NKAIN2: variants seen among roughly 807,000 people sequenced by gnomAD.
NKAIN2 encodes sodium/potassium transporting ATPase interacting 2.
Under a neutral mutation model 32.6 loss-of-function variants are expected in NKAIN2, and 14 were observed. The ratio of observed to expected loss-of-function variants is 0.43; its 90% CI spans 0.28 to 0.67. The LOEUF (loss-of-function observed/expected upper bound fraction) is 0.67, where lower values mean the gene tolerates loss of function less well. Ranked by LOEUF, NKAIN2 falls within the 30% of genes least tolerant of loss-of-function variation. The pLI, the probability that NKAIN2 is intolerant of heterozygous loss-of-function variation, is 0.17. For missense variants in NKAIN2, 198 were observed against 258.3 expected (o/e 0.77, Z 1.60); for synonymous variants, 80 against 87.2 (o/e 0.92, Z 0.46).
intron 2 of NKAIN2, among the ~76,000 whole-genome samples, chr6:124,293,557 T>C (rs989697808): frequency 5.3e-5 from 8 of 152,156 alleles, no homozygotes; most frequent in Admixed American, 5.2e-4. Context: ...TCATGAATGG[T>C]AGCTATCTAA....
intron 3 of NKAIN2, among the ~76,000 whole-genome samples, chr6:124,537,323 T>C (rs1583406432): frequency 6.6e-6 from 1 of 152,334 alleles, no homozygotes; most frequent in Middle Eastern, 3.4e-3. Context: ...TTGTTCTACA[T>C]GTGATGAAAT....
chr6:123,811,399 G>A (rs1253052869), intron 1 of NKAIN2, among the ~76,000 whole-genome samples: 2 of 61,034 alleles, frequency 3.3e-5, no homozygotes. Flanking sequence ...ATTAGGGTAA[G>A]CACAGCGCTG....
At chr6:124,202,787 CT>C (rs1790658272) in intron 1 of NKAIN2, among the ~76,000 whole-genome samples, 1 of 151,622 alleles carries the variant, frequency 6.6e-6, no homozygotes, top group Non-Finnish European at 1.5e-5. Flanking sequence ...AGTAATAGCT[CT>C]TTTTTAATGA....
At chr6:124,153,490 T>C (rs1404260661) in intron 1 of NKAIN2, among the ~76,000 whole-genome samples, 1 of 151,828 alleles carries the variant, frequency 6.6e-6, no homozygotes, top group Non-Finnish European at 1.5e-5. Context: ...TAGTATTCAA[T>C]TCATGAAAAT....
intron 1 of NKAIN2, among the ~76,000 whole-genome samples, chr6:124,244,849 T>C (rs1267926367): frequency 6.6e-6 from 1 of 152,120 alleles, no homozygotes; most frequent in Non-Finnish European, 1.5e-5. Flanking sequence ...AGAGAAGGAA[T>C]ACTAAAATAT....
At position 124,410,845 on chromosome 6, in the gene NKAIN2, C is replaced by T. The variant is rs28865963; in HGVS notation, c.273+55498C>T. 8.3e-3 allele frequency among the ~76,000 whole-genome samples: 1,258 copies of T among 152,020 alleles called. 16 individuals are homozygous for T. Among genetic ancestry groups the T allele is most frequent in the African/African-American group, 0.028 (1,181 of 41,500 alleles). On this transcript the variant is annotated intron_variant, in intron 3 of 6. Transcript: ENST00000368417. ...GGGAGTCTAAGTTTCTTTGTAGTCA[C>T]TCGGGGCTTGCTTTATGTGCTCCTG...
chr6:124,075,593 A>G (rs1442762088), intron 1 of NKAIN2, among the ~76,000 whole-genome samples: 1 of 151,862 alleles, frequency 6.6e-6, no homozygotes, highest in Non-Finnish European at 1.5e-5. Context: ...ATGTTACTTT[A>G]TTTATTTATT....
intron 3 of NKAIN2, among the ~76,000 whole-genome samples, chr6:124,647,450 G>C (rs1394198163): frequency 7.8e-6 from 1 of 128,204 alleles, no homozygotes; most frequent in Admixed American, 9.4e-5. Context: ...AGTAAGCCAA[G>C]ATTGTGCCAC....
chr6:124,020,905 G>T (rs150930781), intron 1 of NKAIN2, among the ~76,000 whole-genome samples: 96 of 152,174 alleles, frequency 6.3e-4, no homozygotes, highest in African/African-American at 2.2e-3. Flanking sequence ...TGCTATAAAT[G>T]AAGAAACAGA....
chr6:124,038,163 A>G (rs1781690021), intron 1 of NKAIN2, among the ~76,000 whole-genome samples: 1 of 152,118 alleles, frequency 6.6e-6, no homozygotes, highest in Non-Finnish European at 1.5e-5. Flanking sequence ...ACATGACCAC[A>G]AAATTCACAC....
chr6:124,585,551 C>T (rs1391800108), intron 3 of NKAIN2, among the ~76,000 whole-genome samples: 1 of 152,090 alleles, frequency 6.6e-6, no homozygotes, highest in Admixed American at 6.5e-5. Flanking sequence ...CTCATGTACT[C>T]TGTAAATATA....
intron 1 of NKAIN2, among the ~76,000 whole-genome samples, chr6:123,818,830 A>C (rs1372251409): frequency 6.6e-6 from 1 of 152,212 alleles, no homozygotes; most frequent in Non-Finnish European, 1.5e-5. Flanking sequence ...TGTAAGAAAG[A>C]ACCAGACAAA....
intron 4 of NKAIN2, among the ~76,000 whole-genome samples, chr6:124,686,503 A>G (rs769389546): frequency 1.3e-5 from 2 of 151,984 alleles, no homozygotes; most frequent in Non-Finnish European, 2.9e-5. Flanking sequence ...ATCTCATAGA[A>G]CCCTATAACA....
At chr6:124,733,162 G>A (rs1359000048) in intron 4 of NKAIN2, among the ~76,000 whole-genome samples, 1 of 151,954 alleles carries the variant, frequency 6.6e-6, no homozygotes, top group Non-Finnish European at 1.5e-5. Context: ...GAGGGGTGAG[G>A]AGAGGAAGGT....
intron 3 of NKAIN2, among the ~76,000 whole-genome samples, chr6:124,547,045 G>T (rs1400879077): frequency 6.7e-6 from 1 of 149,616 alleles, no homozygotes; most frequent in African/African-American, 2.6e-5. Flanking sequence ...TGAATCTCTG[G>T]CAAGTTATAG....
chr6:123,883,208 G>A (rs1773532915), intron 1 of NKAIN2, among the ~76,000 whole-genome samples: 1 of 151,994 alleles, frequency 6.6e-6, no homozygotes, highest in African/African-American at 2.4e-5. Flanking sequence ...ACAGTGGCGT[G>A]AACTCGGCTC....
chr6:124,435,829 CCTAA>C (rs1775417754), intron 3 of NKAIN2, among the ~76,000 whole-genome samples: 1 of 152,066 alleles, frequency 6.6e-6, no homozygotes, highest in African/African-American at 2.4e-5. Flanking sequence ...AGTCCCAAAG[CCTAA>C]CTAACATTCT....
intron 4 of NKAIN2, among the ~76,000 whole-genome samples, chr6:124,761,322 C>G (rs1778253923): frequency 6.6e-6 from 1 of 152,140 alleles, no homozygotes. Flanking sequence ...AAGTACTTGG[C>G]CCTCCCTGAC....
chr6:124,602,678 C>T (rs1782354434), intron 3 of NKAIN2, among the ~76,000 whole-genome samples: 1 of 151,894 alleles, frequency 6.6e-6, no homozygotes, highest in African/African-American at 2.4e-5. Context: ...CTTTGTTCTA[C>T]TTTTAACTTT....
Sources: allele counts gnomAD v4.1 joint callset (sites outside exome capture counted in the v4.1 genomes callset), GRCh38; gene constraint gnomAD v4.1.1; transcripts MANE v1.5; gene names NCBI Gene and HGNC (gene_info 2026-07-23, HGNC 2026-07-21).